Variants in DLG1 observed in about 807,000 individuals in gnomAD.
DLG1 encodes disks large homolog 1.
In DLG1, 42 loss-of-function variants were observed where a neutral mutation model predicts 123.4. The ratio of observed to expected loss-of-function variants is 0.34; its 90% CI spans 0.27 to 0.44. The LOEUF is 0.44. Ranked by LOEUF, DLG1 falls within the 20% of genes least tolerant of loss-of-function variation. The probability of loss-of-function intolerance (pLI) is 1.00; values close to 1 mark genes in which losing one functional copy is unlikely to be tolerated. For missense variants in DLG1, 942 were observed against 1,082.6 expected (o/e 0.87, Z 1.82); for synonymous variants, 317 against 356.2 (o/e 0.89, Z 1.24).
chr3:197,058,257 G>A (rs1335926959), intron 23 of DLG1, among the ~76,000 whole-genome samples: 3 of 152,160 alleles, frequency 2.0e-5, no homozygotes, highest in Non-Finnish European at 4.4e-5. Flanking sequence ...TGGGATTATA[G>A]GGGCCGGCCG....
intron 15 of DLG1, among the ~76,000 whole-genome samples, chr3:197,089,071 C>T (rs1030917163): frequency 6.6e-6 from 1 of 151,878 alleles, no homozygotes; most frequent in East Asian, 1.9e-4. Context: ...GCAGTATATG[C>T]ATGTTATTTA....
chr3:197,107,622 AC>A (rs1052821742), intron 13 of DLG1, among the ~76,000 whole-genome samples: 1 of 151,914 alleles, frequency 6.6e-6, no homozygotes, highest in Non-Finnish European at 1.5e-5. Flanking sequence ...TTAAATTTAT[AC>A]TTAAGTATTT....
intron 17 of DLG1, chr3:197,080,830 G>A (rs540695272): frequency 2.6e-6 from 1 of 380,862 alleles, no homozygotes; most frequent in African/African-American, 2.1e-5. Flanking sequence ...AAATAAGCTT[G>A]ACCCAAAAGT....
At chr3:197,083,817 A>AAAAAC (rs938460274) in intron 16 of DLG1, among the ~76,000 whole-genome samples, 11 of 137,020 alleles carry the variant, frequency 8.0e-5, no homozygotes, top group Non-Finnish European at 1.6e-4. Flanking sequence ...AAACAAAAAC[A>AAAAAC]AAAACAAAAA....
intron 22 of DLG1, among the ~76,000 whole-genome samples, chr3:197,061,432 A>G (rs1735724959): frequency 6.6e-6 from 1 of 152,236 alleles, no homozygotes; most frequent in African/African-American, 2.4e-5. Context: ...CATCTCTTAC[A>G]TAATCACAAT....
chr3:197,297,979 G>A (rs1778344726), intron 1 of DLG1: 1 of 965,232 alleles, frequency 1.0e-6, no homozygotes, highest in Non-Finnish European at 1.2e-6. Flanking sequence ...CCGCGGCCTC[G>A]TCCTCCTTCT....
In DLG1 at chr3:197,043,326, A is replaced by G. The variant is rs1237190571; in HGVS notation, c.*1297T>C. Reference sequence around the variant, plus strand: ...ACCAAAATCAAACCTGATGACAAGAACAACAGTAACAACACGGACAACAAC... The same window carrying G: ...ACCAAAATCAAACCTGATGACAAGAGCAACAGTAACAACACGGACAACAAC... On this transcript the variant is annotated 3_prime_UTR_variant, in exon 25 of 25. Transcript: ENST00000667157. 6.6e-6 allele frequency: 1 copy of G among 152,160 alleles called. No homozygotes were observed. The highest frequency in any genetic ancestry group is 1.5e-5 in the Non-Finnish European group (1 of 68,020). The allele number at this position is 152,160 out of a possible 1,614,324, so 9.4% of individuals were successfully genotyped here.
chr3:197,291,720 T>A (rs935601883), intron 3 of DLG1, among the ~76,000 whole-genome samples: 1 of 152,182 alleles, frequency 6.6e-6, no homozygotes, highest in African/African-American at 2.4e-5. Context: ...CAATTTAGCA[T>A]CTGAGGGTCC....
intron 4 of DLG1, among the ~76,000 whole-genome samples, chr3:197,256,164 G>A (rs1756790378): frequency 6.6e-6 from 1 of 152,182 alleles, no homozygotes; most frequent in South Asian, 2.1e-4. Flanking sequence ...TATATCTTCT[G>A]CACTAGATGA....
chr3:197,072,986 C>T (rs200830415), intron 18 of DLG1, among the ~76,000 whole-genome samples: 7 of 152,114 alleles, frequency 4.6e-5, no homozygotes, highest in East Asian at 3.8e-4. Flanking sequence ...CGTGAGTCAC[C>T]GCGCCCAGCC....
chr3:197,167,922 G>A (rs1802224372), intron 5 of DLG1, among the ~76,000 whole-genome samples: 1 of 152,144 alleles, frequency 6.6e-6, no homozygotes, highest in South Asian at 2.1e-4. Context: ...AATGTAATAT[G>A]TTTTCTTATT....
chr3:197,288,293 G>T (rs1340972967), intron 3 of DLG1, among the ~76,000 whole-genome samples: 2 of 147,504 alleles, frequency 1.4e-5, no homozygotes, highest in Admixed American at 6.9e-5. Flanking sequence ...GAACCCAGGA[G>T]GCAGAGGTAG....
chr3:197,137,086 G>A (rs1185172514), intron 9 of DLG1, among the ~76,000 whole-genome samples: 2 of 152,206 alleles, frequency 1.3e-5, no homozygotes, highest in African/African-American at 2.4e-5. Context: ...CTTTAAAAAT[G>A]TGAATACCTT....
chr3:197,207,083 T>C (rs976275541), intron 4 of DLG1, among the ~76,000 whole-genome samples: 3 of 152,228 alleles, frequency 2.0e-5, no homozygotes, highest in Non-Finnish European at 4.4e-5. Flanking sequence ...GCCTCTGTGA[T>C]GCGGTGGCGG....
chr3:197,088,629 A>G (rs1239351479), intron 15 of DLG1, among the ~76,000 whole-genome samples: 1 of 152,230 alleles, frequency 6.6e-6, no homozygotes, highest in Non-Finnish European at 1.5e-5. Flanking sequence ...CCCAGCTGAG[A>G]GCTATACAGC....
rs985239941 is a variant in DLG1 at position 197,090,889 on chromosome 3, T to A, written c.1661+23A>T. Reference sequence around the variant, plus strand: ...ATGCATAACTAATTAAGATTTGCCATAATTAGAAGTAAAAAAATTTACCTG... The same window carrying A: ...ATGCATAACTAATTAAGATTTGCCAAAATTAGAAGTAAAAAAATTTACCTG... On this transcript the variant is annotated intron_variant, in intron 15 of 24. Transcript: ENST00000667157. The A allele has an allele frequency of 1.4e-5, 20 of 1,413,748 alleles. No homozygotes were observed. The African/African-American group carries it at 2.8e-4, about 20-fold the overall frequency. 87.6% of individuals were successfully genotyped at this position (1,413,748 alleles called of 1,614,324 possible). A position where few individuals can be genotyped will look rare whatever the true frequency, so the allele number is the denominator to read the frequency against.
In DLG1 at chr3:197,297,188, T is replaced by A; in HGVS notation, c.17A>T (p.Gln6Leu). 1 of 1,614,144 alleles carries A rather than the reference T, an allele frequency of 6.2e-7. No homozygotes were observed. Among genetic ancestry groups the A allele is most frequent in the Non-Finnish European group, 8.5e-7 (1 of 1,180,026 alleles). MPVRKQDTQRALHLLE... is the reference protein window; with the variant it reads MPVRKLDTQRALHLLE... Reference sequence around the variant, plus strand: ...AGAGTTACGGAATAAACTCTCACCTTGCTTCCGGACCGGCATTTTTCTCCA... The same window carrying A: ...AGAGTTACGGAATAAACTCTCACCTAGCTTCCGGACCGGCATTTTTCTCCA... Residue 6 changes from glutamine to leucine, a missense_variant and splice_region_variant, in exon 2 of 25, where the codon CAA becomes CTA. By Grantham distance (113) the Gln-to-Leu change is moderately radical. Coordinates refer to ENST00000667157, the MANE Select transcript of DLG1 (RefSeq NM_001366207.1).
chr3:197,061,548 TAA>T (rs1341451498), intron 22 of DLG1, among the ~76,000 whole-genome samples: 6 of 150,872 alleles, frequency 4.0e-5, no homozygotes, highest in African/African-American at 1.5e-4. Context: ...TATTTAGTTG[TAA>T]AGTCTCCTTA....
chr3:197,045,655 G>A (rs1722469617), intron 24 of DLG1, among the ~76,000 whole-genome samples: 1 of 152,076 alleles, frequency 6.6e-6, no homozygotes, highest in African/African-American at 2.4e-5. Flanking sequence ...ACAGGAGGAT[G>A]ATCTCTTGAG....
Sources: allele counts gnomAD v4.1 joint callset (sites outside exome capture counted in the v4.1 genomes callset), GRCh38; gene constraint gnomAD v4.1.1; transcripts MANE v1.5; gene names NCBI Gene and HGNC (gene_info 2026-07-23, HGNC 2026-07-21).